Variants in STON2 observed in about 807,000 individuals in gnomAD.
STON2 encodes the protein stonin 2.
A neutral mutation model predicts 65.7 loss-of-function variants in STON2; 29 were observed. The observed-to-expected ratio is 0.44, with a 90% CI of 0.33 to 0.60. The LOEUF (loss-of-function observed/expected upper bound fraction) is 0.60, where lower values mean the gene tolerates loss of function less well. Among genes scored for constraint, STON2 ranks in the 20% least tolerant of loss-of-function variants. The pLI is 0.03. For synonymous variants in STON2, 404 were observed against 414.2 expected (o/e 0.98, Z 0.30); for missense variants, 1,054 against 1,118.1 (o/e 0.94, Z 0.82).
intron 5 of STON2, among the ~76,000 whole-genome samples, chr14:81,308,151 T>C (rs1238260359): frequency 6.6e-6 from 1 of 152,224 alleles, no homozygotes; most frequent in African/African-American, 2.4e-5. Flanking sequence ...TTTGAAACAC[T>C]GTCATTACGC....
chr14:81,313,640 C>T (rs1310320974), intron 5 of STON2, among the ~76,000 whole-genome samples: 1 of 151,892 alleles, frequency 6.6e-6, no homozygotes, highest in African/African-American at 2.4e-5. Context: ...ACTAAAAATA[C>T]AAAAATTAGC....
At chr14:81,414,510 T>G (rs990094383) in intron 2 of STON2, among the ~76,000 whole-genome samples, 17 of 152,096 alleles carry the variant, frequency 1.1e-4, no homozygotes, top group African/African-American at 4.1e-4. Flanking sequence ...TGCTCTTCAA[T>G]ACAAGGGCAT....
At chr14:81,287,286 G>A (rs1190142889) in intron 5 of STON2, among the ~76,000 whole-genome samples, 2 of 152,126 alleles carry the variant, frequency 1.3e-5, no homozygotes, top group Admixed American at 6.6e-5. Context: ...CAAATGATAC[G>A]TACTAATGAT....
chr14:81,290,398 G>A (rs1895508873), intron 5 of STON2, among the ~76,000 whole-genome samples: 1 of 152,164 alleles, frequency 6.6e-6, no homozygotes. Flanking sequence ...CTGGTGATAT[G>A]GGCAAAGAAA....
chr14:81,382,395 G>C, intron 3 of STON2, among the ~76,000 whole-genome samples: 1 of 152,052 alleles, frequency 6.6e-6, no homozygotes, highest in Admixed American at 6.6e-5. Context: ...ATGTATTAAA[G>C]GAGTAAGCCA....
intron 4 of STON2, among the ~76,000 whole-genome samples, chr14:81,350,296 T>C (rs946101084): frequency 1.3e-5 from 2 of 152,116 alleles, no homozygotes; most frequent in African/African-American, 2.4e-5. Context: ...TATGCATGTA[T>C]TAAAACACCA....
chr14:81,397,918 C>G (rs1900405497), intron 2 of STON2, among the ~76,000 whole-genome samples: 1 of 152,108 alleles, frequency 6.6e-6, no homozygotes, highest in African/African-American at 2.4e-5. Context: ...ATCACTCATC[C>G]CTGGTGCAAC....
intron 4 of STON2, among the ~76,000 whole-genome samples, chr14:81,360,134 A>G (rs1047690717): frequency 6.6e-6 from 1 of 152,062 alleles, no homozygotes; most frequent in Non-Finnish European, 1.5e-5. Flanking sequence ...ATCCTCACAA[A>G]CTCTTGAAAA....
intron 3 of STON2, among the ~76,000 whole-genome samples, chr14:81,392,590 G>A (rs7153556): frequency 0.25 from 37,577 of 151,956 alleles, 6,678 homozygotes; most frequent in African/African-American, 0.49. Flanking sequence ...TGTCTTTAAA[G>A]TACTGATATT....
At chr14:81,384,223 A>C (rs1899675797) in intron 3 of STON2, among the ~76,000 whole-genome samples, 1 of 150,128 alleles carries the variant, frequency 6.7e-6, no homozygotes, top group Non-Finnish European at 1.5e-5. Context: ...TAACACACTT[A>C]CTGTATTATT....
intron 2 of STON2, among the ~76,000 whole-genome samples, chr14:81,422,041 C>T (rs80153181): frequency 0.039 from 5,991 of 152,256 alleles, 155 homozygotes; most frequent in South Asian, 0.074. Flanking sequence ...ATCTTGTCAC[C>T]ATCATGAGGG....
chr14:81,270,662 A>G lies in STON2; in HGVS notation c.2784+8T>C, dbSNP rs574051158. On this transcript the variant is annotated splice_region_variant and intron_variant, in intron 7 of 7. Transcript: ENST00000614646. Reference sequence around the variant, plus strand: ...TGGAAGCATTAGCCAGATGCTTCCCAAGGCTACCTGGTAGCTGTAGTGTGC... The same window carrying G: ...TGGAAGCATTAGCCAGATGCTTCCCGAGGCTACCTGGTAGCTGTAGTGTGC... 3.1e-6 allele frequency: 5 copies of G among 1,614,210 alleles called. No homozygotes were observed. In the Admixed American group the frequency reaches 6.7e-5, roughly 22 times the overall value.
At chr14:81,298,629 G>C (rs930883044) in intron 5 of STON2, among the ~76,000 whole-genome samples, 15 of 152,310 alleles carry the variant, frequency 9.8e-5, no homozygotes, top group Admixed American at 4.6e-4. Flanking sequence ...CTACAGAAAA[G>C]CATGTTGAAC....
At chr14:81,308,781 CATATATATATATATATATATATATATAT>C (rs57821672) in intron 5 of STON2, among the ~76,000 whole-genome samples, 1 of 9,178 alleles carries the variant, frequency 1.1e-4, no homozygotes, top group Non-Finnish European at 2.0e-4. Flanking sequence ...TGGTTTTACC[CATATATATATATATATATATATATATAT>C]ATATATATAT....
At chr14:81,285,984 C>G (rs749261837) in intron 5 of STON2, among the ~76,000 whole-genome samples, 1 of 152,060 alleles carries the variant, frequency 6.6e-6, no homozygotes, top group African/African-American at 2.4e-5. Context: ...CCCATCTCTA[C>G]TAAAAATACA....
chr14:81,261,746 C>T lies in STON2; in HGVS notation c.*6668G>A. ...GTGTCAGGTAGCACCCAAATCCTAA[C>T]ATCTATTTTGGAGACCTGTCTGTGC... On this transcript the variant is annotated 3_prime_UTR_variant, in exon 8 of 8. Transcript: ENST00000614646. The T allele has an allele frequency of 6.8e-7, 1 of 1,468,634 alleles. No homozygotes were observed. Among genetic ancestry groups the T allele is most frequent in the Non-Finnish European group, 9.0e-7 (1 of 1,117,056 alleles). The allele number at this position is 1,468,634 out of a possible 1,614,324, so 91.0% of individuals were successfully genotyped here.
chr14:81,262,372 C>T lies in STON2; in HGVS notation c.*6042G>A, dbSNP rs946412595. On this transcript the variant is annotated 3_prime_UTR_variant, in exon 8 of 8. Transcript: ENST00000614646. ...AGCTGGCTGCTAACACAGCACCTGA[C>T]CAGAGTAGACATTTGATAAATATTT... 2 of 985,256 alleles carry T rather than the reference C, an allele frequency of 2.0e-6. No individual in the cohort carries two copies. The highest frequency in any genetic ancestry group is 2.4e-6 in the Non-Finnish European group (2 of 829,870). 61.0% of individuals were successfully genotyped at this position (985,256 alleles called of 1,614,324 possible). A position where few individuals can be genotyped will look rare whatever the true frequency, so the allele number is the denominator to read the frequency against.
rs766132885 is a variant in STON2 at position 81,276,965 on chromosome 14, G to A, written c.2517C>T (p.Ala839=). 1.2e-6 allele frequency: 2 copies of A among 1,614,174 alleles called. No homozygotes were observed. Among genetic ancestry groups the A allele is most frequent in the Non-Finnish European group, 1.7e-6 (2 of 1,180,030 alleles). ...TGGAGTTGAAGGCATGCTCGTACTTGGCAGTTCCCAGAGTTACTCTCATGA... is the reference window on the plus strand; with the variant it reads ...TGGAGTTGAAGGCATGCTCGTACTTAGCAGTTCCCAGAGTTACTCTCATGA... ...EPVMRVTLGT[A]KYEHAFNSIV... Residue 839 remains alanine (A), a synonymous_variant, in exon 6 of 8, where the codon GCC becomes GCT. Transcript: ENST00000614646.
At chr14:81,326,644 T>C (rs764563574) in intron 4 of STON2, among the ~76,000 whole-genome samples, 1 of 152,154 alleles carries the variant, frequency 6.6e-6, no homozygotes, top group Non-Finnish European at 1.5e-5. Flanking sequence ...TAACTAGAAA[T>C]AGCTTCCCCT....
Sources: allele counts gnomAD v4.1 joint callset (sites outside exome capture counted in the v4.1 genomes callset), GRCh38; gene constraint gnomAD v4.1.1; transcripts MANE v1.5; gene names NCBI Gene and HGNC (gene_info 2026-07-23, HGNC 2026-07-21).